Variants in IFT81 observed in about 807,000 individuals in gnomAD.
IFT81 encodes the protein intraflagellar transport protein 81 homolog.
IFT81 carries 72 observed loss-of-function variants against 102.6 expected under a neutral mutation model. The ratio of observed to expected loss-of-function variants is 0.70; its 90% CI spans 0.58 to 0.85. The LOEUF is 0.85. IFT81 is among the 40% of genes least tolerant of loss of function. The pLI is 0.00. For synonymous variants in IFT81, 237 were observed against 242.7 expected, an observed-to-expected ratio of 0.98 and a Z score of 0.22; for missense variants, 723 against 787.3, an observed-to-expected ratio of 0.92 and a Z score of 0.98.
chr12:110,140,470 T>A (rs1894822720), intron 8 of IFT81, among the ~76,000 whole-genome samples: 1 of 152,202 alleles, frequency 6.6e-6, no homozygotes, highest in African/African-American at 2.4e-5. Context: ...TCACTATAAA[T>A]CAGTTTATAT....
At chr12:110,173,689 A>G (rs1023215405) in intron 11 of IFT81, among the ~76,000 whole-genome samples, 3 of 152,198 alleles carry the variant, frequency 2.0e-5, no homozygotes, top group Admixed American at 1.3e-4. Context: ...TCTCTGAAAC[A>G]TGTGCTGTGT....
At chr12:110,158,038 C>A (rs1247061877) in intron 10 of IFT81, among the ~76,000 whole-genome samples, 1 of 151,950 alleles carries the variant, frequency 6.6e-6, no homozygotes, top group East Asian at 1.9e-4. Flanking sequence ...AATTTCTATT[C>A]ATTCATTTTA....
In IFT81 at chr12:110,127,388, A is replaced by G. The variant is rs200581871; in HGVS notation, c.8A>G (p.Asp3Gly). ...AAATTATAAGACCTAATTATGAGTG[A>G]TCAAATTAAATTCATTATGGACAGT... Reference protein sequence around the residue: MSDQIKFIMDSLN... With the variant: MSGQIKFIMDSLN... The change falls in exon 2 of 19, where the codon GAT becomes GGT. Residue 3 changes from aspartate (D) to glycine (G), a missense_variant. Coordinates refer to ENST00000242591, the MANE Select transcript of IFT81 (RefSeq NM_014055.4). The G allele has an allele frequency of 1.5e-5, 23 of 1,577,346 alleles. No homozygotes were observed. The Admixed American group carries it at 2.1e-4, about 15-fold the overall frequency.
At chr12:110,144,201 TTTG>T (rs1418944256) in intron 9 of IFT81, among the ~76,000 whole-genome samples, 3 of 149,606 alleles carry the variant, frequency 2.0e-5, no homozygotes, top group Non-Finnish European at 4.5e-5. Flanking sequence ...TGTTGTTGTT[TTTG>T]TTGTTGTTGT....
rs1593271879 is a variant in IFT81, at chr12:110,128,076, G to A, written c.175G>A (p.Glu59Lys). The change falls in exon 3 of 19, where the codon GAG becomes AAG. Residue 59 changes from glutamate (E) to lysine (K), a missense_variant. Glu to Lys is a moderately conservative substitution (Grantham distance 56). Coordinates refer to ENST00000242591, the MANE Select transcript of IFT81 (RefSeq NM_014055.4). ...QLVDIREEMP[E>K]QTAKRMLSLL... ...TGTGGATATCAGAGAGGAGATGCCA[G>A]AGCAGACAGCCAAACGAATGTTGAG... is the stretch of plus-strand genomic sequence containing the variant. 1.2e-6 allele frequency: 2 copies of A among 1,613,574 alleles called. No homozygotes were observed. Among genetic ancestry groups the A allele is most frequent in the Non-Finnish European group, 1.7e-6 (2 of 1,179,590 alleles).
intron 4 of IFT81, among the ~76,000 whole-genome samples, chr12:110,132,336 T>C (rs1894213550): frequency 6.6e-6 from 1 of 151,764 alleles, no homozygotes; most frequent in Admixed American, 6.6e-5. Flanking sequence ...GGCGCGCGCA[T>C]GTAATCCCAG....
At chr12:110,152,645 A>G (rs990458485) in intron 10 of IFT81, among the ~76,000 whole-genome samples, 1 of 151,434 alleles carries the variant, frequency 6.6e-6, no homozygotes, top group South Asian at 2.1e-4. Context: ...GTCTCACTCT[A>G]TTGCCCAGGC....
chr12:110,157,705 A>T (rs116023502), intron 10 of IFT81, among the ~76,000 whole-genome samples: 2,579 of 152,174 alleles, frequency 0.017, 76 homozygotes, highest in African/African-American at 0.059. Context: ...GGCTCTGTTC[A>T]CTTTTCTTCA....
chr12:110,161,072 T>A (rs73205078), intron 10 of IFT81, among the ~76,000 whole-genome samples: 1 of 152,146 alleles, frequency 6.6e-6, no homozygotes, highest in Non-Finnish European at 1.5e-5. Flanking sequence ...TTATTTATTT[T>A]ATTATTGAAG....
chr12:110,137,983 A>G (rs1477816977), intron 8 of IFT81, among the ~76,000 whole-genome samples: 3 of 152,254 alleles, frequency 2.0e-5, no homozygotes, highest in African/African-American at 4.8e-5. Flanking sequence ...CTAACAGCCC[A>G]GATTACACCA....
rs1014869540 is a variant in IFT81 at position 110,124,585 on chromosome 12, C to A, written c.-298C>A. The A allele has an allele frequency of 1.3e-5, 2 of 152,330 alleles. No individual in the cohort carries two copies. The highest frequency in any genetic ancestry group is 2.9e-5 in the Non-Finnish European group (2 of 68,144). The allele number at this position is 152,330 out of a possible 1,614,324, so 9.4% of individuals were successfully genotyped here. A position where few individuals can be genotyped will look rare whatever the true frequency, so the allele number is the denominator to read the frequency against. On this transcript the variant is annotated 5_prime_UTR_variant, in exon 1 of 19. Coordinates refer to ENST00000242591, the MANE Select transcript of IFT81 (RefSeq NM_014055.4). Reference sequence around the variant, plus strand: ...GCCCCCGGATAGGGGAATCGGGCCCCTTCTGGGATTCGAGCGGATCCAGGC... The same window carrying A: ...GCCCCCGGATAGGGGAATCGGGCCCATTCTGGGATTCGAGCGGATCCAGGC...
At chr12:110,141,281 G>A (rs1192341925) in intron 8 of IFT81, among the ~76,000 whole-genome samples, 1 of 151,884 alleles carries the variant, frequency 6.6e-6, no homozygotes, top group Non-Finnish European at 1.5e-5. Flanking sequence ...CAGGTGATTC[G>A]CCTGCCTTGG....
At chr12:110,179,102 A>G (rs962436027) in intron 11 of IFT81, among the ~76,000 whole-genome samples, 1 of 152,106 alleles carries the variant, frequency 6.6e-6, no homozygotes, top group African/African-American at 2.4e-5. Context: ...GGATATTCTT[A>G]GCTTTTTAAC....
intron 11 of IFT81, among the ~76,000 whole-genome samples, chr12:110,177,652 T>C (rs1897096171): frequency 6.6e-6 from 1 of 152,248 alleles, no homozygotes. Context: ...TATTTTAACG[T>C]GAAGAATTTT....
At chr12:110,199,787 A>G (rs1898180406) in intron 14 of IFT81, among the ~76,000 whole-genome samples, 1 of 152,144 alleles carries the variant, frequency 6.6e-6, no homozygotes, top group South Asian at 2.1e-4. Flanking sequence ...CAGCATACAC[A>G]TTACTCATCT....
At chr12:110,205,373 C>G in intron 15 of IFT81, 70 bp from the exon 16 acceptor site, 3 of 1,483,610 alleles carry the variant, frequency 2.0e-6, no homozygotes, top group Non-Finnish European at 2.7e-6. Flanking sequence ...TGTTGTACAT[C>G]TAAAGTCATC....
chr12:110,186,623 C>G (rs887299388), intron 12 of IFT81, among the ~76,000 whole-genome samples: 1 of 152,072 alleles, frequency 6.6e-6, no homozygotes, highest in African/African-American at 2.4e-5. Flanking sequence ...AGGCGATTCT[C>G]CCACCTCAGC....
At chr12:110,215,436 CTCTTCT>C (rs869063652) in intron 18 of IFT81, among the ~76,000 whole-genome samples, 4 of 117,658 alleles carry the variant, frequency 3.4e-5, no homozygotes, top group South Asian at 5.7e-4. Context: ...TCTTTTTCTT[CTCTTCT>C]TCTTCTTCTT....
intron 12 of IFT81, among the ~76,000 whole-genome samples, chr12:110,182,982 A>G (rs1210902232): frequency 6.6e-6 from 1 of 152,216 alleles, no homozygotes; most frequent in Non-Finnish European, 1.5e-5. Flanking sequence ...TCCTAAAGGT[A>G]GAACTCATTT....
Sources: gnomAD v4.1 joint callset for allele counts (sites outside exome capture counted in the v4.1 genomes callset) on GRCh38, gnomAD v4.1.1 for gene constraint, MANE v1.5 for transcripts, NCBI Gene and HGNC (gene_info 2026-07-23, HGNC 2026-07-21) for gene names.